Variants in ZNF385B observed in about 807,000 individuals in gnomAD.
ZNF385B encodes zinc finger protein 385B.
In ZNF385B, 23 loss-of-function variants were observed where a neutral mutation model predicts 39.2. The ratio of observed to expected loss-of-function variants is 0.59; its 90% CI spans 0.42 to 0.83. The LOEUF is 0.83. ZNF385B is among the 40% of genes least tolerant of loss of function. The probability of loss-of-function intolerance (pLI) is 0.00; values close to 1 mark genes in which losing one functional copy is unlikely to be tolerated. For synonymous variants in ZNF385B, 205 were observed against 222.6 expected (o/e 0.92, Z 0.70); for missense variants, 552 against 598.9 (o/e 0.92, Z 0.82).
At chr2:179,449,943 T>C (rs1310907804) in intron 6 of ZNF385B, among the ~76,000 whole-genome samples, 1 of 151,664 alleles carries the variant, frequency 6.6e-6, no homozygotes, top group Non-Finnish European at 1.5e-5. Context: ...TCAGAAATAA[T>C]GCCGCATATC....
At chr2:179,533,232 T>C (rs1285933557) in intron 4 of ZNF385B, among the ~76,000 whole-genome samples, 1 of 152,148 alleles carries the variant, frequency 6.6e-6, no homozygotes. Context: ...ATGAGCTCTA[T>C]GCTACAGGCT....
chr2:179,447,545 C>T (rs1342028199), intron 6 of ZNF385B, among the ~76,000 whole-genome samples: 1 of 152,132 alleles, frequency 6.6e-6, no homozygotes, highest in African/African-American at 2.4e-5. Context: ...CAGAATCTAA[C>T]TCATTGAAGT....
At chr2:179,739,719 A>T (rs942948420) in intron 3 of ZNF385B, among the ~76,000 whole-genome samples, 2 of 152,144 alleles carry the variant, frequency 1.3e-5, no homozygotes, top group African/African-American at 4.8e-5. Context: ...AGTATAGCTT[A>T]ATCAAACTTT....
chr2:179,647,571 T>C (rs1439101509), intron 3 of ZNF385B, among the ~76,000 whole-genome samples: 2 of 152,232 alleles, frequency 1.3e-5, no homozygotes, highest in East Asian at 1.9e-4. Context: ...TTTCCCTTAA[T>C]AGCAGCTATA....
intron 3 of ZNF385B, among the ~76,000 whole-genome samples, chr2:179,762,340 C>A (rs1293341867): frequency 6.6e-6 from 1 of 152,118 alleles, no homozygotes; most frequent in Non-Finnish European, 1.5e-5. Flanking sequence ...CAGGCACTCA[C>A]TACTATGCCC....
chr2:179,473,109 C>T (rs575759171), intron 6 of ZNF385B, among the ~76,000 whole-genome samples: 64 of 152,046 alleles, frequency 4.2e-4, no homozygotes, highest in Non-Finnish European at 8.1e-4. Flanking sequence ...ACATAACAGA[C>T]GAGACACATT....
intron 3 of ZNF385B, among the ~76,000 whole-genome samples, chr2:179,590,730 A>G (rs1268322519): frequency 6.6e-6 from 1 of 152,034 alleles, no homozygotes; most frequent in Admixed American, 6.5e-5. Context: ...TTCTCATGAT[A>G]GGGAGTTCTC....
intron 3 of ZNF385B, among the ~76,000 whole-genome samples, chr2:179,629,350 G>A (rs1422908696): frequency 6.6e-6 from 1 of 152,142 alleles, no homozygotes; most frequent in Non-Finnish European, 1.5e-5. Context: ...ATCTGTCATG[G>A]TAAAGTATAC....
At chr2:179,533,274 TGATGTAA>T (rs940815437) in intron 4 of ZNF385B, among the ~76,000 whole-genome samples, 2 of 152,164 alleles carry the variant, frequency 1.3e-5, no homozygotes, top group African/African-American at 4.8e-5. Flanking sequence ...CTGAGGGAAC[TGATGTAA>T]GATGTATCAG....
intron 3 of ZNF385B, among the ~76,000 whole-genome samples, chr2:179,575,707 A>G (rs890589466): frequency 1.3e-5 from 2 of 152,164 alleles, no homozygotes; most frequent in African/African-American, 4.8e-5. Context: ...GAAAGAATTA[A>G]TATAGTTCTC....
At position 179,592,619 on chromosome 2, in the gene ZNF385B, A is replaced by AT. The variant is rs777140177; in HGVS notation, c.299-47651dup. ...GTATACCGTAAGATGTTTGGACACT[A>AT]TTTTTTTTTACAGAAAAGAATATAA... On this transcript the variant is annotated intron_variant, in intron 3 of 9. Transcript: ENST00000410066. Among the ~76,000 whole-genome samples the AT allele has an allele frequency of 2.4e-4, 36 of 151,054 alleles. No individual in the cohort carries two copies. The East Asian group carries it at 2.5e-3, about 11-fold the overall frequency.
chr2:179,584,420 T>G (rs1435390664), intron 3 of ZNF385B, among the ~76,000 whole-genome samples: 1 of 152,000 alleles, frequency 6.6e-6, no homozygotes, highest in South Asian at 2.1e-4. Context: ...TCGAACAACA[T>G]GAGTCTAGGG....
At chr2:179,643,003 A>G (rs1314338135) in intron 3 of ZNF385B, among the ~76,000 whole-genome samples, 3 of 152,266 alleles carry the variant, frequency 2.0e-5, no homozygotes, top group Non-Finnish European at 2.9e-5. Context: ...TCCTTTTCTG[A>G]TAGAACACAA....
chr2:179,783,246 C>T (rs1232070366), intron 1 of ZNF385B, among the ~76,000 whole-genome samples: 4 of 152,098 alleles, frequency 2.6e-5, no homozygotes, highest in Admixed American at 2.6e-4. Flanking sequence ...AGTCCCTATT[C>T]GATAAATTGT....
In ZNF385B at chr2:179,493,498, T is replaced by C. The variant is rs571370968; in HGVS notation, c.553-10064A>G. ...GTGTACACATATGTATAAACGTGTG[T>C]GTACATATATGCGTATACATATGTG... is the stretch of plus-strand genomic sequence containing the variant. On this transcript the variant is annotated intron_variant, in intron 5 of 9. Coordinates refer to ENST00000410066, the MANE Select transcript of ZNF385B (RefSeq NM_152520.6). 9.3e-3 allele frequency among the ~76,000 whole-genome samples: 1,406 copies of C among 151,626 alleles called. 20 individuals are homozygous for C. The highest frequency in any genetic ancestry group is 0.032 in the African/African-American group (1,312 of 41,414).
chr2:179,804,446 A>G (rs1706224644), intron 1 of ZNF385B, among the ~76,000 whole-genome samples: 1 of 152,212 alleles, frequency 6.6e-6, no homozygotes, highest in African/African-American at 2.4e-5. Context: ...GAGGCAAGAT[A>G]TAATATGGCA....
intron 1 of ZNF385B, among the ~76,000 whole-genome samples, chr2:179,857,119 T>A (rs1272835052): frequency 6.6e-6 from 1 of 152,216 alleles, no homozygotes; most frequent in East Asian, 1.9e-4. Flanking sequence ...TACATGCACA[T>A]TAAAGTTTAA....
chr2:179,731,166 A>G (rs1701364258), intron 3 of ZNF385B, among the ~76,000 whole-genome samples: 1 of 152,200 alleles, frequency 6.6e-6, no homozygotes, highest in Non-Finnish European at 1.5e-5. Context: ...AAGAATTCAA[A>G]CTTAGAAAGG....
At chr2:179,547,021 GTCT>G in intron 3 of ZNF385B, among the ~76,000 whole-genome samples, 1 of 149,848 alleles carries the variant, frequency 6.7e-6, no homozygotes, top group East Asian at 1.9e-4. Context: ...CCATTTGTAT[GTCT>G]TCTTTTGAGA....
Sources: allele counts gnomAD v4.1 joint callset (sites outside exome capture counted in the v4.1 genomes callset), GRCh38; gene constraint gnomAD v4.1.1; transcripts MANE v1.5; gene names NCBI Gene and HGNC (gene_info 2026-07-23, HGNC 2026-07-21).